Variants in NRN1L observed in about 807,000 individuals in gnomAD.
The protein encoded by NRN1L is neuritin-like protein.
A neutral mutation model predicts 8.8 loss-of-function variants in NRN1L; 12 were observed. The ratio of observed to expected loss-of-function variants is 1.36; its 90% CI spans 0.87 to 2.20. The LOEUF (loss-of-function observed/expected upper bound fraction) is 2.20, where lower values mean the gene tolerates loss of function less well. Among genes scored for constraint, NRN1L ranks in the 30% most tolerant of loss-of-function variants. NRN1L has a pLI of 0.00. For synonymous variants in NRN1L, 114 were observed against 99.2 expected, an observed-to-expected ratio of 1.15 and a Z score of -0.88; for missense variants, 266 against 232.4, an observed-to-expected ratio of 1.14 and a Z score of -0.94.
chr16:67,885,707 C>CCCCCCCCCCACGA lies in NRN1L; in HGVS notation c.80-14_80-13insCCCCCCCCACGAC. ...CTACCATTCCTTCCCCACCCCACCC[C>CCCCCCCCCCACGA]CGCCCCACTTCTAGTCCTTTTACCT... On this transcript the variant is annotated splice_polypyrimidine_tract_variant and intron_variant, in intron 1 of 2. Transcript: ENST00000339176. 7.1e-7 allele frequency: 1 copy of CCCCCCCCCCACGA among 1,404,052 alleles called. No individual in the cohort carries two copies. Among genetic ancestry groups the CCCCCCCCCCACGA allele is most frequent in the Non-Finnish European group, 9.8e-7 (1 of 1,017,860 alleles). The allele number at this position is 1,404,052 out of a possible 1,614,324, so 87.0% of individuals were successfully genotyped here. A position where few individuals can be genotyped will look rare whatever the true frequency, so the allele number is the denominator to read the frequency against.
chr16:67,886,443 G>A, downstream of NRN1L: 3 of 614,090 alleles, frequency 4.9e-6, no homozygotes, highest in South Asian at 2.2e-5. Flanking sequence ...CTGATCCTTT[G>A]CTTGGATGGA....
rs540250533 is a variant in NRN1L at position 67,885,053 on chromosome 16, G to T, written c.79+71G>T. ...AGCCAAGCCAGGCTGGGCATAGGGTGTGTGGGAACGCTGGGTGCCAGGGTG... is the reference window on the plus strand; with the variant it reads ...AGCCAAGCCAGGCTGGGCATAGGGTTTGTGGGAACGCTGGGTGCCAGGGTG... On this transcript the variant is annotated intron_variant, in intron 1 of 2. Transcript: ENST00000339176. 1.5e-5 allele frequency: 20 copies of T among 1,312,406 alleles called. No homozygotes were observed. The South Asian group carries it at 2.4e-4, about 16-fold the overall frequency. 81.3% of individuals were successfully genotyped at this position (1,312,406 alleles called of 1,614,324 possible).
At chr16:67,885,102 G>C in intron 1 of NRN1L, 120 bp downstream of exon 1, 2 of 801,976 alleles carry the variant, frequency 2.5e-6, no homozygotes, top group Non-Finnish European at 4.1e-6. Flanking sequence ...AGGGCTCCAG[G>C]AAGGTGTGCT....
rs576919082 is a variant in NRN1L, at chr16:67,885,235, C to T, written c.79+253C>T. On this transcript the variant is annotated intron_variant, in intron 1 of 2. Transcript: ENST00000339176. ...CCAATGGCAGGACTTATAGACCAGT[C>T]GTAGGATCCCTAAGTCCTCTCTGAG... 4 of 589,886 alleles carry T rather than the reference C, an allele frequency of 6.8e-6. No individual in the cohort carries two copies. In the East Asian group the frequency reaches 8.5e-5, roughly 12 times the overall value. The allele number at this position is 589,886 out of a possible 1,614,324, so 36.5% of individuals were successfully genotyped here. A position where few individuals can be genotyped will look rare whatever the true frequency, so the allele number is the denominator to read the frequency against.
Position 67,884,952 on chromosome 16 carries a change from G to A in NRN1L, c.49G>A (p.Ala17Thr), listed in dbSNP as rs191020381. 6.2e-7 allele frequency: 1 copy of A among 1,608,214 alleles called. No individual in the cohort carries two copies. The highest frequency in any genetic ancestry group is 1.7e-5 in the Admixed American group (1 of 59,990). ...CTGCTGCTGCCGGCAACCACCCCATGCCCTGAGGCCGTTGCTGTTGCTGCC... is the reference window on the plus strand; with the variant it reads ...CTGCTGCTGCCGGCAACCACCCCATACCCTGAGGCCGTTGCTGTTGCTGCC... ...RRCCCRQPPH[A>T]LRPLLLLPLV... The change falls in exon 1 of 3, where the codon GCC becomes ACC. Residue 17 changes from alanine to threonine, a missense_variant. Physicochemically the swap from Ala to Thr is moderately conservative, Grantham distance 58. Coordinates refer to ENST00000339176, the MANE Select transcript of NRN1L (RefSeq NM_198443.2). This position sits in a 1 kb window ranked among gnomAD's most constrained non-coding sequence, Gnocchi z 4.1.
downstream of NRN1L, among the ~76,000 whole-genome samples, chr16:67,888,173 C>T (rs939194744): frequency 6.6e-6 from 1 of 152,152 alleles, no homozygotes; most frequent in African/African-American, 2.4e-5. Flanking sequence ...ATAAAGGGTG[C>T]ACTTGTGGGA....
chr16:67,888,156 G>A (rs141952503), downstream of NRN1L, among the ~76,000 whole-genome samples: 1 of 152,272 alleles, frequency 6.6e-6, no homozygotes, highest in East Asian at 1.9e-4. Flanking sequence ...CCAACCTAGG[G>A]CTGGATATAA....
downstream of NRN1L, among the ~76,000 whole-genome samples, chr16:67,887,421 C>T (rs368709493): frequency 7.3e-4 from 111 of 151,620 alleles, 1 homozygote; most frequent in South Asian, 0.019. Flanking sequence ...TACAGGTGCC[C>T]GCCACCATGC....
In NRN1L at chr16:67,885,697, C is replaced by G. The variant is rs749727808; in HGVS notation, c.80-25C>G. 9.1e-6 allele frequency: 11 copies of G among 1,211,238 alleles called. No individual in the cohort carries two copies. In the Admixed American group the frequency reaches 9.3e-5, roughly 10 times the overall value. The allele number at this position is 1,211,238 out of a possible 1,614,324, so 75.0% of individuals were successfully genotyped here. ...CTCATCCTATCTACCATTCCTTCCC[C>G]ACCCCACCCCCGCCCCACTTCTAGT... On this transcript the variant is annotated intron_variant, in intron 1 of 2. Coordinates refer to ENST00000339176, the MANE Select transcript of NRN1L (RefSeq NM_198443.2).
At chr16:67,887,072 C>T (rs1035481756), downstream of NRN1L, among the ~76,000 whole-genome samples, 1 of 152,110 alleles carries the variant, frequency 6.6e-6, no homozygotes, top group African/African-American at 2.4e-5. Context: ...ATGTGGTGTG[C>T]GAGGAGCCCC....
At chr16:67,888,465 T>C (rs969429560), downstream of NRN1L, among the ~76,000 whole-genome samples, 1 of 152,080 alleles carries the variant, frequency 6.6e-6, no homozygotes, top group Non-Finnish European at 1.5e-5. Context: ...GTTTTTGCTC[T>C]CTAAGTCCCT....
rs769584336 is a variant in NRN1L, at chr16:67,886,114, C to T, written c.353C>T (p.Pro118Leu). ...PNNLHTLCGA[P>L]VHVRERGTGS... ...AACTTGCACACTCTGTGCGGTGCCC[C>T]GGTGCATGTTCGGGAGCGCGGCACA... is the stretch of plus-strand genomic sequence containing the variant. The change falls in exon 3 of 3, where the codon CCG becomes CTG. Residue 118 changes from proline to leucine, a missense_variant. Transcript: ENST00000339176. 2.0e-5 allele frequency: 33 copies of T among 1,612,784 alleles called. No individual in the cohort carries two copies. Among genetic ancestry groups the T allele is most frequent in the Admixed American group, 1.5e-4 (9 of 59,876 alleles).
rs144361985 is a variant in NRN1L at position 67,885,827 on chromosome 16, G to T, written c.185G>T (p.Arg62Leu). 239 of 1,577,528 alleles carry T rather than the reference G, an allele frequency of 1.5e-4. No individual in the cohort carries two copies. In the African/African-American group the frequency reaches 2.9e-3, roughly 19 times the overall value. The change falls in exon 2 of 3, where the codon CGC (arginine) becomes CTC (leucine). Residue 62 changes from arginine to leucine, a missense_variant. Transcript: ENST00000339176. ...ATCCGCTTGGGGGACAGCATGGGCCGCGGAGGCGAGCTGGAGACCATCTGC... is the reference window on the plus strand; with the variant it reads ...ATCCGCTTGGGGGACAGCATGGGCCTCGGAGGCGAGCTGGAGACCATCTGC... ...CLIRLGDSMG[R>L]GGELETICRS...
At chr16:67,886,911 G>A (rs781086275), downstream of NRN1L, among the ~76,000 whole-genome samples, 6 of 152,200 alleles carry the variant, frequency 3.9e-5, no homozygotes, top group Non-Finnish European at 8.8e-5. Flanking sequence ...CCACATTCAA[G>A]CCCCTGATGT....
intron 1 of NRN1L, 24 bp from the exon 2 acceptor site, chr16:67,885,698 A>ACCCCC: frequency 1.5e-6 from 1 of 680,416 alleles, no homozygotes; most frequent in Non-Finnish European, 2.4e-6. Context: ...TTCCTTCCCC[A>ACCCCC]CCCCACCCCC....
In NRN1L at chr16:67,885,797, G is replaced by A; in HGVS notation, c.155G>A (p.Cys52Tyr). ...CDTIYQGFAECLIRLGDSMGR... is the reference protein window; with the variant it reads ...CDTIYQGFAEYLIRLGDSMGR... ...ACCATATACCAGGGCTTCGCCGAGTGTCTCATCCGCTTGGGGGACAGCATG... is the reference window on the plus strand; with the variant it reads ...ACCATATACCAGGGCTTCGCCGAGTATCTCATCCGCTTGGGGGACAGCATG... The change falls in exon 2 of 3, where the codon TGT (cysteine) becomes TAT (tyrosine). Residue 52 changes from cysteine to tyrosine, a missense_variant. By Grantham distance (194) the Cys-to-Tyr change is radical (BLOSUM62 -2). Transcript: ENST00000339176. 2 of 1,594,146 alleles carry A rather than the reference G, an allele frequency of 1.3e-6. No individual in the cohort carries two copies. The highest frequency in any genetic ancestry group is 1.1e-5 in the South Asian group (1 of 87,678).
At chr16:67,887,860 G>GT (rs1391860957), downstream of NRN1L, among the ~76,000 whole-genome samples, 3 of 152,186 alleles carry the variant, frequency 2.0e-5, no homozygotes, top group East Asian at 5.8e-4. Flanking sequence ...GATTACAGGC[G>GT]TGAGCCACCG....
intron 1 of NRN1L, 29 bp from the exon 2 acceptor site, chr16:67,885,693 T>TCGCCC: frequency 2.4e-6 from 3 of 1,257,212 alleles, no homozygotes; most frequent in Non-Finnish European, 2.2e-6. Context: ...TACCATTCCT[T>TCGCCC]CCCCACCCCA....
At position 67,885,803 on chromosome 16, in the gene NRN1L, T is replaced by C; in HGVS notation, c.161T>C (p.Ile54Thr). The C allele has an allele frequency of 6.3e-7, 1 of 1,575,762 alleles. No individual in the cohort carries two copies. The highest frequency in any genetic ancestry group is 8.6e-7 in the Non-Finnish European group (1 of 1,161,202). ...TACCAGGGCTTCGCCGAGTGTCTCATCCGCTTGGGGGACAGCATGGGCCGC... is the reference window on the plus strand; with the variant it reads ...TACCAGGGCTTCGCCGAGTGTCTCACCCGCTTGGGGGACAGCATGGGCCGC... ...TIYQGFAECL[I>T]RLGDSMGRGG... is the part of the protein sequence containing the mutation. Residue 54 changes from isoleucine to threonine, a missense_variant, in exon 2 of 3, where the codon ATC (isoleucine) becomes ACC (threonine). By Grantham distance (89) the Ile-to-Thr change is moderately conservative (BLOSUM62 -1). Coordinates refer to ENST00000339176, the MANE Select transcript of NRN1L (RefSeq NM_198443.2).
Sources: allele counts gnomAD v4.1 joint callset (sites outside exome capture counted in the v4.1 genomes callset), GRCh38; gene constraint gnomAD v4.1.1; non-coding constraint Gnocchi (gnomAD v3.1); transcripts MANE v1.5; gene names NCBI Gene and HGNC (gene_info 2026-07-23, HGNC 2026-07-21).